The following IFT88 variants were observed in gnomAD, a reference collection of about 807,000 sequenced individuals.
IFT88 encodes intraflagellar transport 88.
In IFT88, 74 loss-of-function variants were observed where a neutral mutation model predicts 119.5. That is an observed-to-expected ratio of 0.62 (90% CI 0.51 to 0.75). The LOEUF is 0.75. Among genes scored for constraint, IFT88 ranks in the 30% least tolerant of loss-of-function variants. The pLI is 0.00. For missense variants in IFT88, 961 were observed against 977.7 expected (o/e 0.98, Z 0.23); for synonymous variants, 279 against 316.7 (o/e 0.88, Z 1.26).
At chr13:20,568,441 A>G (rs1047461518) in intron 1 of IFT88, among the ~76,000 whole-genome samples, 1 of 152,228 alleles carries the variant, frequency 6.6e-6, no homozygotes, top group African/African-American at 2.4e-5. Flanking sequence ...CTATTCAACT[A>G]AAGTCTCAAG....
At chr13:20,580,703 A>G (rs1035671782) in intron 2 of IFT88, among the ~76,000 whole-genome samples, 1 of 150,594 alleles carries the variant, frequency 6.6e-6, no homozygotes, top group Non-Finnish European at 1.5e-5. Flanking sequence ...TGGATCATGG[A>G]TCATGAAGAT....
intron 14 of IFT88, among the ~76,000 whole-genome samples, chr13:20,620,731 A>G (rs1239337373): frequency 6.6e-6 from 1 of 151,960 alleles, no homozygotes; most frequent in Non-Finnish European, 1.5e-5. Context: ...ACGCCTGGCT[A>G]ATTTTTTGTG....
intron 14 of IFT88, among the ~76,000 whole-genome samples, chr13:20,618,164 C>T (rs1594270140): frequency 6.6e-6 from 1 of 152,302 alleles, no homozygotes; most frequent in East Asian, 1.9e-4. Context: ...TCGTGATCCG[C>T]TCGCCTTGGC....
intron 12 of IFT88, among the ~76,000 whole-genome samples, chr13:20,603,136 C>G (rs2042874936): frequency 6.6e-6 from 1 of 152,056 alleles, no homozygotes; most frequent in Admixed American, 6.6e-5. Flanking sequence ...TATTGGCATA[C>G]TGTATATTAG....
intron 1 of IFT88, chr13:20,567,860 TTTTG>T (rs566416105): frequency 9.2e-4 from 909 of 989,670 alleles, no homozygotes; most frequent in African/African-American, 2.7e-3. Flanking sequence ...TGTGAGTTTT[TTTTG>T]TTTGTTTTTT....
chr13:20,684,055 G>A (rs1202339086), intron 24 of IFT88, among the ~76,000 whole-genome samples: 2 of 152,144 alleles, frequency 1.3e-5, no homozygotes, highest in African/African-American at 4.8e-5. Flanking sequence ...AGGAGAACCT[G>A]GTCCATATTG....
chr13:20,567,240 G>C lies in IFT88; in HGVS notation c.-23G>C, dbSNP rs1236447900. 6.6e-6 allele frequency: 1 copy of C among 152,262 alleles called. No homozygotes were observed. Among genetic ancestry groups the C allele is most frequent in the Non-Finnish European group, 1.5e-5 (1 of 68,074 alleles). 9.4% of individuals were successfully genotyped at this position (152,262 alleles called of 1,614,324 possible). The stretch of plus-strand genomic sequence containing the variant: ...CCCTGGGCCCGAATAACTGTCGCCC[G>C]CTTCCCTCAGCGTGAGGTAGGAGAA... On this transcript the variant is annotated 5_prime_UTR_variant, in exon 1 of 26. Coordinates refer to ENST00000351808, the MANE Select transcript of IFT88 (RefSeq NM_006531.5).
intron 3 of IFT88, among the ~76,000 whole-genome samples, chr13:20,583,238 G>C (rs1464481884): frequency 1.3e-5 from 2 of 152,046 alleles, no homozygotes; most frequent in Non-Finnish European, 2.9e-5. Flanking sequence ...TACTTCCAAA[G>C]CTCCTGTAAC....
chr13:20,686,302 A>G (rs1182762592), intron 24 of IFT88, among the ~76,000 whole-genome samples: 2 of 152,240 alleles, frequency 1.3e-5, no homozygotes, highest in Non-Finnish European at 2.9e-5. Context: ...ATGTTCATAC[A>G]GAAATCAGTA....
intron 1 of IFT88, among the ~76,000 whole-genome samples, chr13:20,570,665 A>G (rs1390731227): frequency 2.3e-5 from 2 of 88,008 alleles, no homozygotes; most frequent in African/African-American, 7.2e-5. Context: ...TGGCAAATCC[A>G]TAGAGACAGA....
chr13:20,641,444 T>A, intron 18 of IFT88, 46 bp downstream of exon 18: 1 of 1,134,070 alleles, frequency 8.8e-7, no homozygotes, highest in South Asian at 1.3e-5. Flanking sequence ...TTCTCTCAAT[T>A]GGTGATTGAA....
chr13:20,638,814 A>C (rs111929485), intron 17 of IFT88, among the ~76,000 whole-genome samples: 114 of 152,342 alleles, frequency 7.5e-4, no homozygotes, highest in African/African-American at 2.7e-3. Context: ...GGATATTATC[A>C]TTCTTTTTAA....
At chr13:20,669,051 G>T (rs758852887) in intron 23 of IFT88, among the ~76,000 whole-genome samples, 25 of 152,172 alleles carry the variant, frequency 1.6e-4, no homozygotes, top group Non-Finnish European at 3.1e-4. Flanking sequence ...AGGAAAAAGG[G>T]AAGGCACTGA....
At chr13:20,597,891 T>C (rs930817629) in intron 9 of IFT88, among the ~76,000 whole-genome samples, 1 of 151,946 alleles carries the variant, frequency 6.6e-6, no homozygotes, top group Non-Finnish European at 1.5e-5. Context: ...TAATGTAGAC[T>C]TTTCGGTCAG....
chr13:20,608,484 ATC>A (rs954381717), intron 13 of IFT88, among the ~76,000 whole-genome samples: 1 of 152,166 alleles, frequency 6.6e-6, no homozygotes, highest in Non-Finnish European at 1.5e-5. Flanking sequence ...CAAACGGTGT[ATC>A]TCAAAACACT....
chr13:20,569,164 G>A (rs1314659244), intron 1 of IFT88, among the ~76,000 whole-genome samples: 2 of 152,056 alleles, frequency 1.3e-5, no homozygotes, highest in Non-Finnish European at 2.9e-5. Flanking sequence ...AGCTAAAACT[G>A]TTAGAAAAAA....
chr13:20,574,616 ACT>A (rs747708069), intron 2 of IFT88, 141 bp downstream of exon 2: 2 of 456,058 alleles, frequency 4.4e-6, no homozygotes, highest in East Asian at 7.3e-5. Flanking sequence ...ATTACAGAAG[ACT>A]CTACTGACTT....
intron 2 of IFT88, among the ~76,000 whole-genome samples, chr13:20,576,671 T>G (rs1309469208): frequency 6.6e-6 from 1 of 152,210 alleles, no homozygotes; most frequent in African/African-American, 2.4e-5. Context: ...CAAAAATGAG[T>G]TCACTGTAGA....
rs376048076 is a variant in IFT88, at chr13:20,602,662, A to G, written c.1041+729A>G. Among the ~76,000 whole-genome samples, 10 of 152,300 alleles carry G rather than the reference A, an allele frequency of 6.6e-5. No homozygotes were observed. In the East Asian group the frequency reaches 1.9e-3, roughly 29 times the overall value. The stretch of plus-strand genomic sequence containing the variant: ...CACTTTGGGAGGCTGAGGTGGGCAG[A>G]TTGCGAGGTCAGTAGTTTGAGACCA... On this transcript the variant is annotated intron_variant, in intron 12 of 25. Coordinates refer to ENST00000351808, the MANE Select transcript of IFT88 (RefSeq NM_006531.5).
Sources: allele counts gnomAD v4.1 joint callset (sites outside exome capture counted in the v4.1 genomes callset), GRCh38; gene constraint gnomAD v4.1.1; transcripts MANE v1.5; gene names NCBI Gene and HGNC (gene_info 2026-07-23, HGNC 2026-07-21).